Variants in JAM3 observed in about 807,000 individuals in gnomAD.
JAM3 encodes the protein junctional adhesion molecule C.
In JAM3, 31 loss-of-function variants were observed where a neutral mutation model predicts 39.4. The observed-to-expected ratio is 0.79, with a 90% confidence interval of 0.59 to 1.06. JAM3 has a LOEUF of 1.06. Ranked by LOEUF, JAM3 falls within the 50% of genes least tolerant of loss-of-function variation. The pLI is 0.00. For synonymous variants in JAM3, 182 were observed against 148.7 expected (o/e 1.22, Z -1.63); for missense variants, 455 against 391.4 (o/e 1.16, Z -1.37).
At chr11:134,147,420 C>G (rs1313673311) in intron 6 of JAM3, among the ~76,000 whole-genome samples, 1 of 137,254 alleles carries the variant, frequency 7.3e-6, no homozygotes, top group South Asian at 2.5e-4. Flanking sequence ...CACCACAGAA[C>G]TCCAGCCTGG....
chr11:134,069,647 T>G (rs137931489), intron 1 of JAM3, among the ~76,000 whole-genome samples: 2,479 of 151,890 alleles, frequency 0.016, 41 homozygotes, highest in Non-Finnish European at 0.022. Flanking sequence ...GGCACGGCCC[T>G]CTGGAGGGAG....
intron 1 of JAM3, among the ~76,000 whole-genome samples, chr11:134,093,306 A>C (rs1179492762): frequency 7.7e-6 from 1 of 130,298 alleles, no homozygotes; most frequent in Non-Finnish European, 1.6e-5. Context: ...CTTACATCTT[A>C]TTCATCTTGT....
chr11:134,111,133 C>CTTTTTTTTTTTTTTTTTTTTT (rs71038561), intron 1 of JAM3, among the ~76,000 whole-genome samples: 3 of 86,778 alleles, frequency 3.5e-5, no homozygotes, highest in African/African-American at 1.7e-4. Flanking sequence ...ACACATCCAT[C>CTTTTTTTTTTTTTTTTTTTTT]TTTTTTTTTT....
At chr11:134,140,869 A>G (rs1942962106) in intron 3 of JAM3, 99 bp downstream of exon 3, 1 of 1,460,126 alleles carries the variant, frequency 6.8e-7, no homozygotes, top group Admixed American at 2.2e-5. Context: ...GGTAACCTGC[A>G]TCTGTAGCTA....
intron 1 of JAM3, among the ~76,000 whole-genome samples, chr11:134,102,731 A>G (rs1942099632): frequency 6.6e-6 from 1 of 152,264 alleles, no homozygotes; most frequent in African/African-American, 2.4e-5. Context: ...AAGCTTTAGT[A>G]GCTGATTCAA....
intron 1 of JAM3, among the ~76,000 whole-genome samples, chr11:134,121,839 A>G (rs1942539105): frequency 6.6e-6 from 1 of 152,150 alleles, no homozygotes; most frequent in African/African-American, 2.4e-5. Context: ...ACACACACAC[A>G]CACACACACA....
rs557533913 is a variant in JAM3 at position 134,138,336 on chromosome 11, G to A, written c.77-1515G>A. On this transcript the variant is annotated intron_variant, in intron 1 of 8. Coordinates refer to ENST00000299106, the MANE Select transcript of JAM3 (RefSeq NM_032801.5). ...GTGGTGGCGTCTGGTCGAAGTCGTGGTGCTCATGCTGAGAGAAATGTTTAT... is the reference window on the plus strand; with the variant it reads ...GTGGTGGCGTCTGGTCGAAGTCGTGATGCTCATGCTGAGAGAAATGTTTAT... Among the ~76,000 whole-genome samples the A allele has an allele frequency of 1.3e-3, 189 of 146,284 alleles. 2 individuals carry two copies. Among genetic ancestry groups the A allele is most frequent in the Middle Eastern group, 3.5e-3 (1 of 288 alleles).
At position 134,140,644 on chromosome 11, in the gene JAM3, CTTTGCGTG is replaced by C; in HGVS notation, c.143-10_143-3del. On this transcript the variant is annotated splice_region_variant and splice_polypyrimidine_tract_variant and intron_variant, in intron 2 of 8. Transcript: ENST00000299106. ...ACATTCACCGAGAGCTCTTTTTCTTCTTTGCGTGTTAGGTGTGGAACTGTCTTGCATCA... is the reference window on the plus strand; with the variant it reads ...ACATTCACCGAGAGCTCTTTTTCTTCTTAGGTGTGGAACTGTCTTGCATCA... 1 of 1,606,926 alleles carries C rather than the reference CTTTGCGTG, an allele frequency of 6.2e-7. No individual in the cohort carries two copies. Among genetic ancestry groups the C allele is most frequent in the Non-Finnish European group, 8.5e-7 (1 of 1,173,620 alleles).
In JAM3 at chr11:134,092,221, G is replaced by A. The variant is rs1036809146; in HGVS notation, c.76+23062G>A. 5.3e-5 allele frequency among the ~76,000 whole-genome samples: 8 copies of A among 152,098 alleles called. No homozygotes were observed. In the East Asian group the frequency reaches 5.8e-4, roughly 11 times the overall value. ...TCCCACACATGCCCAGAGCTGTTGC[G>A]TGTGCTGCCCGTTGTGTGTGATGCG... On this transcript the variant is annotated intron_variant, in intron 1 of 8. Coordinates refer to ENST00000299106, the MANE Select transcript of JAM3 (RefSeq NM_032801.5).
At chr11:134,111,445 G>A (rs998371739) in intron 1 of JAM3, among the ~76,000 whole-genome samples, 2 of 152,018 alleles carry the variant, frequency 1.3e-5, no homozygotes, top group Admixed American at 1.3e-4. Flanking sequence ...TGAAAATCAA[G>A]GCATTCATTT....
chr11:134,132,734 C>T (rs983169069), intron 1 of JAM3, among the ~76,000 whole-genome samples: 3 of 152,112 alleles, frequency 2.0e-5, no homozygotes, highest in Admixed American at 6.5e-5. Flanking sequence ...ATTTTTCTCC[C>T]ATCTTCACTG....
chr11:134,122,538 G>A lies in JAM3; in HGVS notation c.77-17313G>A, dbSNP rs1287525755. 1.1e-4 allele frequency among the ~76,000 whole-genome samples: 17 copies of A among 152,272 alleles called. No homozygotes were observed. In the East Asian group the frequency reaches 2.9e-3, roughly 26 times the overall value. On this transcript the variant is annotated intron_variant, in intron 1 of 8. Transcript: ENST00000299106. ...GCTTCACCAGCAACACAGTCCCTGC[G>A]CTACTCACTGCGTTGCCCAACGTTG...
At chr11:134,074,456 T>G (rs1386407339) in intron 1 of JAM3, among the ~76,000 whole-genome samples, 1 of 152,224 alleles carries the variant, frequency 6.6e-6, no homozygotes, top group Non-Finnish European at 1.5e-5. Flanking sequence ...TTCTAGCTTC[T>G]TAATATCAGC....
At chr11:134,142,771 A>G (rs1444883409) in intron 3 of JAM3, among the ~76,000 whole-genome samples, 1 of 151,936 alleles carries the variant, frequency 6.6e-6, no homozygotes, top group East Asian at 1.9e-4. Flanking sequence ...AGCAGTAGTC[A>G]GTCCTCCTCC....
chr11:134,083,427 G>A (rs1941697100), intron 1 of JAM3, among the ~76,000 whole-genome samples: 1 of 151,998 alleles, frequency 6.6e-6, no homozygotes, highest in African/African-American at 2.4e-5. Flanking sequence ...TACTACCCTG[G>A]GGCTAGTATC....
intron 1 of JAM3, among the ~76,000 whole-genome samples, chr11:134,120,222 G>A (rs1238850222): frequency 6.6e-6 from 1 of 152,252 alleles, no homozygotes; most frequent in Non-Finnish European, 1.5e-5. Context: ...TAGAAAGCCT[G>A]CGCTGCCGTT....
intron 1 of JAM3, among the ~76,000 whole-genome samples, chr11:134,106,700 A>G (rs1336402103): frequency 6.6e-6 from 1 of 152,266 alleles, no homozygotes; most frequent in Non-Finnish European, 1.5e-5. Flanking sequence ...TCAAAAGAAA[A>G]CATTTATGCA....
At chr11:134,130,244 T>C (rs183113016) in intron 1 of JAM3, among the ~76,000 whole-genome samples, 1 of 152,316 alleles carries the variant, frequency 6.6e-6, no homozygotes, top group East Asian at 1.9e-4. Flanking sequence ...AGCTCCGTTA[T>C]CAAAGAAACA....
intron 1 of JAM3, among the ~76,000 whole-genome samples, chr11:134,119,983 G>A (rs551403002): frequency 1.3e-5 from 2 of 152,274 alleles, no homozygotes; most frequent in East Asian, 3.9e-4. Flanking sequence ...TATATACTTT[G>A]CTGTGTGTAT....
Sources: allele counts gnomAD v4.1 joint callset (sites outside exome capture counted in the v4.1 genomes callset), GRCh38; gene constraint gnomAD v4.1.1; transcripts MANE v1.5; gene names NCBI Gene and HGNC (gene_info 2026-07-23, HGNC 2026-07-21).